CDK6: variants seen among roughly 807,000 people sequenced by gnomAD.
CDK6 encodes cyclin dependent kinase 6.
In CDK6, 6 loss-of-function variants were observed where a neutral mutation model predicts 37.1. The observed-to-expected ratio is 0.16, with a 90% confidence interval of 0.09 to 0.32. The LOEUF (loss-of-function observed/expected upper bound fraction) is 0.32. Ranked by LOEUF, CDK6 falls within the 10% of genes least tolerant of loss-of-function variation. The probability of loss-of-function intolerance (pLI) is 1.00; values close to 1 mark genes in which losing one functional copy is unlikely to be tolerated. For synonymous variants in CDK6, 160 were observed against 161.3 expected (o/e 0.99, Z 0.06); for missense variants, 224 against 418.9 (o/e 0.53, Z 4.06).
At chr7:92,673,794 T>C (rs1797143366) in intron 4 of CDK6, among the ~76,000 whole-genome samples, 1 of 152,110 alleles carries the variant, frequency 6.6e-6, no homozygotes, top group Admixed American at 6.5e-5. Context: ...TTTTTTCTTT[T>C]TGAGATGGAG....
At chr7:92,625,566 A>C (rs1307855408) in intron 5 of CDK6, among the ~76,000 whole-genome samples, 3 of 151,930 alleles carry the variant, frequency 2.0e-5, no homozygotes, top group East Asian at 1.9e-4. Context: ...ACAAAACAAA[A>C]AAAACCAAAA....
chr7:92,760,105 T>C (rs1799417672), intron 3 of CDK6, among the ~76,000 whole-genome samples: 1 of 152,154 alleles, frequency 6.6e-6, no homozygotes, highest in Non-Finnish European at 1.5e-5. Context: ...GTAGTAAAAA[T>C]AGGCTTGCAA....
At chr7:92,755,537 T>G (rs1276533686) in intron 3 of CDK6, among the ~76,000 whole-genome samples, 3 of 152,080 alleles carry the variant, frequency 2.0e-5, no homozygotes, top group African/African-American at 7.2e-5. Flanking sequence ...TGGTCAGTGA[T>G]GAGAGGAGCT....
intron 3 of CDK6, among the ~76,000 whole-genome samples, chr7:92,736,123 A>G (rs756902505): frequency 2.0e-5 from 3 of 152,080 alleles, no homozygotes; most frequent in Non-Finnish European, 4.4e-5. Flanking sequence ...TTTCACATCT[A>G]TTTTTGAGAA....
chr7:92,811,042 AC>A (rs1001098252), intron 2 of CDK6, among the ~76,000 whole-genome samples: 1 of 151,274 alleles, frequency 6.6e-6, no homozygotes, highest in South Asian at 2.1e-4. Context: ...CAGAATGAGA[AC>A]CCCCCCAGCG....
intron 4 of CDK6, among the ~76,000 whole-genome samples, chr7:92,697,308 C>T (rs1262287038): frequency 6.6e-6 from 1 of 152,118 alleles, no homozygotes; most frequent in African/African-American, 2.4e-5. Context: ...TTTTGAGAAG[C>T]TCAAAGAAAC....
intron 5 of CDK6, among the ~76,000 whole-genome samples, chr7:92,661,705 T>C (rs1796838757): frequency 6.6e-6 from 1 of 152,122 alleles, no homozygotes; most frequent in Non-Finnish European, 1.5e-5. Context: ...AGTCTTGTTG[T>C]CTCATGGGTG....
intron 5 of CDK6, among the ~76,000 whole-genome samples, chr7:92,643,082 TG>T (rs757213381): frequency 3.9e-5 from 6 of 152,128 alleles, no homozygotes; most frequent in Admixed American, 6.5e-5. Context: ...AGACAGGGTT[TG>T]GCCATGTTGC....
chr7:92,612,609 T>C lies in CDK6; in HGVS notation c.*2531A>G. ...CATTCTGTGTCATCAGAAGATAATC[T>C]GCCAACGATTGAATGCCAGAATGTT... On this transcript the variant is annotated 3_prime_UTR_variant, in exon 8 of 8. Coordinates refer to ENST00000424848, the MANE Select transcript of CDK6 (RefSeq NM_001145306.2). The C allele has an allele frequency of 4.3e-6, 1 of 233,182 alleles. No homozygotes were observed. The highest frequency in any genetic ancestry group is 8.5e-6 in the Non-Finnish European group (1 of 117,972). 14.4% of individuals were successfully genotyped at this position (233,182 alleles called of 1,614,324 possible). A position where few individuals can be genotyped will look rare whatever the true frequency, so the allele number is the denominator to read the frequency against.
chr7:92,798,750 C>T (rs1033644899), intron 2 of CDK6, among the ~76,000 whole-genome samples: 3 of 152,150 alleles, frequency 2.0e-5, no homozygotes, highest in Non-Finnish European at 1.5e-5. Context: ...ACATCTAGCT[C>T]TTCCTTCTCC....
At chr7:92,738,841 A>G (rs1015359769) in intron 3 of CDK6, among the ~76,000 whole-genome samples, 4 of 152,136 alleles carry the variant, frequency 2.6e-5, no homozygotes, top group African/African-American at 7.2e-5. Context: ...TTGTTTTCTT[A>G]AACGTGCGCC....
At chr7:92,755,429 T>C (rs557960060) in intron 3 of CDK6, among the ~76,000 whole-genome samples, 5 of 152,168 alleles carry the variant, frequency 3.3e-5, no homozygotes, top group East Asian at 1.9e-4. Context: ...TCCTCCTGAA[T>C]TGCTGACACT....
At chr7:92,692,738 T>C (rs1384032378) in intron 4 of CDK6, among the ~76,000 whole-genome samples, 4 of 151,442 alleles carry the variant, frequency 2.6e-5, no homozygotes, top group Admixed American at 2.6e-4. Context: ...TGAGCCGTGA[T>C]CATCATGCCA....
chr7:92,719,152 C>CAGGGT (rs1798306679), intron 4 of CDK6, among the ~76,000 whole-genome samples: 1 of 152,030 alleles, frequency 6.6e-6, no homozygotes, highest in Non-Finnish European at 1.5e-5. Context: ...CTTTAAGTTC[C>CAGGGT]AGGGTACATG....
chr7:92,631,449 G>A (rs1413816949), intron 5 of CDK6, among the ~76,000 whole-genome samples: 1 of 152,168 alleles, frequency 6.6e-6, no homozygotes, highest in Non-Finnish European at 1.5e-5. Flanking sequence ...GGTCCAGACA[G>A]ACAGGTTTTA....
At chr7:92,651,713 T>A (rs1186411695) in intron 5 of CDK6, among the ~76,000 whole-genome samples, 1 of 151,796 alleles carries the variant, frequency 6.6e-6, no homozygotes, top group African/African-American at 2.4e-5. Context: ...AAATGTCTAC[T>A]CCCAGGAATG....
chr7:92,715,363 A>T (rs766065709), intron 4 of CDK6, among the ~76,000 whole-genome samples: 1 of 152,104 alleles, frequency 6.6e-6, no homozygotes. Context: ...AGATTCTGCC[A>T]GCCTTCAAAA....
rs10552976 is a variant in CDK6 at position 92,614,696 on chromosome 7, TACACACACAC to T, written c.*434_*443del. ...TTAAAAGATCACAGAATCTCTCACA[TACACACACAC>T]ACACACACACACACACACACACATG... On this transcript the variant is annotated 3_prime_UTR_variant, in exon 8 of 8. Transcript: ENST00000424848. 7.1e-3 allele frequency: 1,628 copies of T among 228,706 alleles called. 11 individuals carry two copies. The highest frequency in any genetic ancestry group is 0.031 in the South Asian group (164 of 5,370). The allele number at this position is 228,706 out of a possible 1,614,324, so 14.2% of individuals were successfully genotyped here. A position where few individuals can be genotyped will look rare whatever the true frequency, so the allele number is the denominator to read the frequency against.
intron 5 of CDK6, among the ~76,000 whole-genome samples, chr7:92,640,400 T>G (rs1242910532): frequency 6.6e-6 from 1 of 152,180 alleles, no homozygotes; most frequent in Non-Finnish European, 1.5e-5. Context: ...ATAGGATTTT[T>G]CAATAGATAC....
Sources: gnomAD v4.1 joint callset for allele counts (sites outside exome capture counted in the v4.1 genomes callset) on GRCh38, gnomAD v4.1.1 for gene constraint, MANE v1.5 for transcripts, NCBI Gene and HGNC (gene_info 2026-07-23, HGNC 2026-07-21) for gene names.